The following KCNU1 variants were observed in gnomAD, a reference collection of about 807,000 sequenced individuals.
KCNU1 encodes the protein potassium calcium-activated channel subfamily U member 1.
A neutral mutation model predicts 126.8 loss-of-function variants in KCNU1; 93 were observed. The ratio of observed to expected loss-of-function variants is 0.73; its 90% confidence interval spans 0.62 to 0.87. KCNU1 has a LOEUF of 0.87. Among genes scored for constraint, KCNU1 ranks in the 40% least tolerant of loss-of-function variants. KCNU1 has a pLI of 0.00. For missense variants in KCNU1, 1,330 were observed against 1,367.1 expected, an observed-to-expected ratio of 0.97 and a Z score of 0.43; for synonymous variants, 523 against 494.2, an observed-to-expected ratio of 1.06 and a Z score of -0.77.
At chr8:36,789,685 G>T (rs925909545) in intron 2 of KCNU1, among the ~76,000 whole-genome samples, 4 of 152,198 alleles carry the variant, frequency 2.6e-5, no homozygotes, top group African/African-American at 9.6e-5. Context: ...TATGAGTGAA[G>T]TGTTTGTGAG....
chr8:36,909,077 G>A (rs1807754416), intron 20 of KCNU1, among the ~76,000 whole-genome samples: 1 of 152,128 alleles, frequency 6.6e-6, no homozygotes, highest in African/African-American at 2.4e-5. Flanking sequence ...CAAGCTAATA[G>A]AAAACTAGAA....
intron 9 of KCNU1, among the ~76,000 whole-genome samples, chr8:36,817,433 A>G (rs1422396668): frequency 7.2e-6 from 1 of 139,138 alleles, no homozygotes; most frequent in Non-Finnish European, 1.5e-5. Context: ...CAGGAGGCAG[A>G]TGTTGCAGTG....
Position 36,834,800 on chromosome 8 carries a change from G to A in KCNU1, c.1227G>A (p.Glu409=). 1 of 1,610,526 alleles carries A rather than the reference G, an allele frequency of 6.2e-7. No individual in the cohort carries two copies. Among genetic ancestry groups the A allele is most frequent in the South Asian group, 1.1e-5 (1 of 90,606 alleles). Residue 409 remains glutamate (E), a synonymous_variant, in exon 12 of 27, where the codon GAG becomes GAA. Coordinates refer to ENST00000399881, the MANE Select transcript of KCNU1 (RefSeq NM_001031836.3). ...TTGAAGGGTAGGTGGAATCTGCAGAGGCATGCCTGATTATAGCCAATCCTT... is the reference window on the plus strand; with the variant it reads ...TTGAAGGGTAGGTGGAATCTGCAGAAGCATGCCTGATTATAGCCAATCCTT... ...DLRRVAVESA[E]ACLIIANPLC... is the part of the protein sequence containing the mutation.
At chr8:36,812,399 T>C (rs1489764164) in intron 7 of KCNU1, among the ~76,000 whole-genome samples, 1 of 135,950 alleles carries the variant, frequency 7.4e-6, no homozygotes, top group African/African-American at 2.8e-5. Flanking sequence ...AAAAAAAAAG[T>C]AGTGGTAATG....
In KCNU1 at chr8:36,792,225, T is replaced by A. The variant is rs112743766; in HGVS notation, c.315+4800T>A. Among the ~76,000 whole-genome samples the A allele has an allele frequency of 4.3e-3, 654 of 152,300 alleles. 8 individuals carry two copies. The highest frequency in any genetic ancestry group is 0.015 in the African/African-American group (615 of 41,558). ...GTTTCTTCCTTCAAAGCTCTGCAAGTTCTCAGCAACATTGTCAGATTTATT... is the reference window on the plus strand; with the variant it reads ...GTTTCTTCCTTCAAAGCTCTGCAAGATCTCAGCAACATTGTCAGATTTATT... On this transcript the variant is annotated intron_variant, in intron 2 of 26. Coordinates refer to ENST00000399881, the MANE Select transcript of KCNU1 (RefSeq NM_001031836.3).
intron 23 of KCNU1, among the ~76,000 whole-genome samples, chr8:36,920,727 TGCGCGCAC>T (rs1395954986): frequency 2.0e-5 from 3 of 152,172 alleles, no homozygotes; most frequent in Non-Finnish European, 4.4e-5. Context: ...TGTGTGTGCG[TGCGCGCAC>T]GTGCGCATGT....
At chr8:36,794,873 G>C (rs929839559) in intron 2 of KCNU1, among the ~76,000 whole-genome samples, 4 of 152,048 alleles carry the variant, frequency 2.6e-5, no homozygotes, top group African/African-American at 9.7e-5. Flanking sequence ...AGGCTGCAGG[G>C]AGCTGAGATT....
intron 22 of KCNU1, among the ~76,000 whole-genome samples, chr8:36,914,026 A>C (rs1460299260): frequency 6.6e-6 from 1 of 152,182 alleles, no homozygotes; most frequent in African/African-American, 2.4e-5. Context: ...TATTATAGAA[A>C]TTCCCAATCT....
In KCNU1 at chr8:36,824,309, A is replaced by G. The variant is rs555220633; in HGVS notation, c.1106+6549A>G. 2.6e-5 allele frequency among the ~76,000 whole-genome samples: 4 copies of G among 152,336 alleles called. No individual in the cohort carries two copies. In the South Asian group the frequency reaches 8.3e-4, roughly 32 times the overall value. ...AGTTACATATGGTCAGTCGTGTTCT[A>G]AAACTTAGTGAGTACAGTACAATAT... is the stretch of plus-strand genomic sequence containing the variant. On this transcript the variant is annotated intron_variant, in intron 10 of 26. Coordinates refer to ENST00000399881, the MANE Select transcript of KCNU1 (RefSeq NM_001031836.3).
intron 25 of KCNU1, among the ~76,000 whole-genome samples, chr8:36,931,993 G>C (rs1808715727): frequency 6.6e-6 from 1 of 152,086 alleles, no homozygotes; most frequent in Admixed American, 6.6e-5. Context: ...ATTGCATTCA[G>C]TTATCCAGTG....
At chr8:36,786,290 A>G (rs1417788943) in intron 1 of KCNU1, among the ~76,000 whole-genome samples, 1 of 152,212 alleles carries the variant, frequency 6.6e-6, no homozygotes, top group Non-Finnish European at 1.5e-5. Flanking sequence ...CTCCAATTTT[A>G]TGATGGAATT....
chr8:36,830,361 T>C (rs1386026513), intron 10 of KCNU1, among the ~76,000 whole-genome samples: 2 of 152,056 alleles, frequency 1.3e-5, no homozygotes, highest in African/African-American at 4.8e-5. Flanking sequence ...TTTGTTGGGT[T>C]AAAAATATTA....
chr8:36,835,282 A>T (rs16885482), intron 12 of KCNU1, among the ~76,000 whole-genome samples: 2,811 of 151,952 alleles, frequency 0.018, 92 homozygotes, highest in African/African-American at 0.062. Flanking sequence ...GTGAAAGATT[A>T]TGCGTGGTCC....
chr8:36,823,621 ATATAT>A (rs1297240024), intron 10 of KCNU1, among the ~76,000 whole-genome samples: 27 of 151,924 alleles, frequency 1.8e-4, no homozygotes, highest in African/African-American at 6.3e-4. Context: ...TGTTTATCAT[ATATAT>A]TATATCATAT....
At chr8:36,817,205 T>C (rs1803946417) in intron 9 of KCNU1, among the ~76,000 whole-genome samples, 1 of 151,978 alleles carries the variant, frequency 6.6e-6, no homozygotes, top group Non-Finnish European at 1.5e-5. Context: ...ATGTTTAAAA[T>C]CTGGGTGATG....
chr8:36,935,606 AG>A lies in KCNU1; in HGVS notation c.3138del (p.Asn1047MetfsTer13). ...ACCCTTCAGCACTGCTTGTTATAAA[AG>A]GAATGAAGAGTTCTCATTGCAAAAG... ...AIPFSTACYK[R>X]NEEFSLQKSY... is the part of the protein sequence containing the mutation. On this transcript the variant is annotated frameshift_variant, in exon 27 of 27. Transcript: ENST00000399881. LOFTEE classifies it low-confidence loss of function (END_TRUNC). The A allele has an allele frequency of 6.2e-7, 1 of 1,613,196 alleles. No homozygotes were observed. Among genetic ancestry groups the A allele is most frequent in the African/African-American group, 1.3e-5 (1 of 74,898 alleles).
chr8:36,909,490 A>C lies in KCNU1; in HGVS notation c.2286A>C (p.Arg762Ser). The C allele has an allele frequency of 6.2e-7, 1 of 1,613,102 alleles. No individual in the cohort carries two copies. Among genetic ancestry groups the C allele is most frequent in the Non-Finnish European group, 8.5e-7 (1 of 1,179,132 alleles). Residue 762 changes from arginine to serine, a missense_variant, in exon 21 of 27, where the codon AGA (arginine) becomes AGC (serine). By Grantham distance (110) the Arg-to-Ser change is moderately radical. Transcript: ENST00000399881. ...TTGGGTCTCTGGACTATCTACAGAG[A>C]GAATGGCGATTTCTCTGGAATTTTC... is the stretch of plus-strand genomic sequence containing the variant. ...VFIGSLDYLQ[R>S]EWRFLWNFPQ...
chr8:36,854,376 C>T (rs756708306), intron 18 of KCNU1, among the ~76,000 whole-genome samples: 15 of 151,930 alleles, frequency 9.9e-5, no homozygotes, highest in South Asian at 4.2e-4. Context: ...AATGTCCCAG[C>T]GGTCCCTTAG....
At chr8:36,860,081 A>AT (rs5890887) in intron 18 of KCNU1, among the ~76,000 whole-genome samples, 60,581 of 151,588 alleles carry the variant, frequency 0.4, 12,203 homozygotes, top group Admixed American at 0.45. Context: ...CCATTACCTG[A>AT]TTTTTTTTAA....
Sources: allele counts gnomAD v4.1 joint callset (sites outside exome capture counted in the v4.1 genomes callset), GRCh38; gene constraint gnomAD v4.1.1; transcripts MANE v1.5; gene names NCBI Gene and HGNC (gene_info 2026-07-23, HGNC 2026-07-21).